Variants in MRTFB observed in about 807,000 individuals in gnomAD.
MRTFB encodes the protein myocardin related transcription factor B, also known as myocardin-related transcription factor B.
A neutral mutation model predicts 104.2 loss-of-function variants in MRTFB; 29 were observed. The ratio of observed to expected loss-of-function variants is 0.28; its 90% CI spans 0.21 to 0.38. The LOEUF (loss-of-function observed/expected upper bound fraction) is 0.38. Ranked by LOEUF, MRTFB falls within the 10% of genes least tolerant of loss-of-function variation. The pLI, the probability that MRTFB is intolerant of heterozygous loss-of-function variation, is 1.00. For missense variants in MRTFB, 1,270 were observed against 1,341.6 expected (o/e 0.95, Z 0.83); for synonymous variants, 535 against 519.5 (o/e 1.03, Z -0.41).
At chr16:14,212,791 C>A (rs952936687) in intron 5 of MRTFB, among the ~76,000 whole-genome samples, 1 of 152,180 alleles carries the variant, frequency 6.6e-6, no homozygotes, top group Non-Finnish European at 1.5e-5. Context: ...AGATGATTTC[C>A]CTACTGGGTC....
intron 2 of MRTFB, among the ~76,000 whole-genome samples, chr16:14,109,517 A>G (rs2036163199): frequency 6.6e-6 from 1 of 152,232 alleles, no homozygotes; most frequent in Non-Finnish European, 1.5e-5. Flanking sequence ...AGATACTGGT[A>G]CTTAATACGT....
chr16:14,200,477 T>G lies in MRTFB; in HGVS notation c.155-9766T>G, dbSNP rs750122071. 95 of 1,610,642 alleles carry G rather than the reference T, an allele frequency of 5.9e-5. No individual in the cohort carries two copies. The African/African-American group carries it at 1.1e-3, about 19-fold the overall frequency. ...ACATCCAGTAGCATCGTTTTTCCAC[T>G]TATTCTTTCGAGTCAGTGCAATCAT... On this transcript the variant is annotated intron_variant, in intron 3 of 16. Transcript: ENST00000571589.
chr16:14,220,834 T>C (rs1016982888), intron 8 of MRTFB, among the ~76,000 whole-genome samples: 6 of 152,326 alleles, frequency 3.9e-5, no homozygotes, highest in Non-Finnish European at 8.8e-5. Flanking sequence ...TAACAGTTCC[T>C]ATGTATACAT....
chr16:14,121,949 C>G (rs1188705951), intron 2 of MRTFB, among the ~76,000 whole-genome samples: 1 of 152,150 alleles, frequency 6.6e-6, no homozygotes, highest in Non-Finnish European at 1.5e-5. Flanking sequence ...GTATGGTACA[C>G]TCAGAGATAG....
intron 3 of MRTFB, among the ~76,000 whole-genome samples, chr16:14,149,788 T>A (rs2038519872): frequency 6.6e-6 from 1 of 152,188 alleles, no homozygotes; most frequent in African/African-American, 2.4e-5. Flanking sequence ...TTTCCCTGAC[T>A]GTATACAGAA....
intron 2 of MRTFB, among the ~76,000 whole-genome samples, chr16:14,082,858 C>T (rs1433192487): frequency 6.6e-6 from 1 of 151,956 alleles, no homozygotes; most frequent in African/African-American, 2.4e-5. Flanking sequence ...TTTGGTAGTT[C>T]CATACAAACT....
chr16:14,240,910 G>A (rs1191137733), intron 10 of MRTFB: 15 of 611,352 alleles, frequency 2.5e-5, no homozygotes, highest in South Asian at 2.0e-4. Flanking sequence ...TAGAAGGCTC[G>A]AGAAGGGCCT....
At chr16:14,097,642 G>A (rs1010702078) in intron 2 of MRTFB, among the ~76,000 whole-genome samples, 4 of 152,124 alleles carry the variant, frequency 2.6e-5, no homozygotes, top group East Asian at 1.9e-4. Context: ...GTTCTGACAC[G>A]TACACCCATG....
At chr16:14,017,079 C>T in the MRTFB span, among the ~76,000 whole-genome samples, 9 of 117,188 alleles carry the variant, frequency 7.7e-5, no homozygotes, top group Non-Finnish European at 8.4e-5. Context: ...TTTTTTGAGA[C>T]GGAGTCTCGC....
chr16:14,255,796 T>G (rs1312646711), intron 15 of MRTFB, among the ~76,000 whole-genome samples: 1 of 151,180 alleles, frequency 6.6e-6, no homozygotes, highest in Non-Finnish European at 1.5e-5. Context: ...ATTTAAAAGA[T>G]TCAAGATAGC....
chr16:14,042,238 G>C, the MRTFB span, among the ~76,000 whole-genome samples: 2 of 152,020 alleles, frequency 1.3e-5, no homozygotes, highest in African/African-American at 4.8e-5. Flanking sequence ...CAATTCTCCT[G>C]CCTCAGCCTC....
chr16:14,044,043 T>G, the MRTFB span, among the ~76,000 whole-genome samples: 1 of 152,200 alleles, frequency 6.6e-6, no homozygotes, highest in Non-Finnish European at 1.5e-5. Flanking sequence ...AAATGACTTC[T>G]GCCATTTAGG....
Position 14,247,168 on chromosome 16 carries a change from C to T in MRTFB, c.1908C>T (p.Ser636=). The T allele has an allele frequency of 6.2e-7, 1 of 1,614,178 alleles. No homozygotes were observed. Among genetic ancestry groups the T allele is most frequent in the Non-Finnish European group, 8.5e-7 (1 of 1,180,044 alleles). Residue 636 remains serine (S), a synonymous_variant, in exon 12 of 17, where the codon TCC becomes TCT. Transcript: ENST00000571589. ...KSDQKHGSLG[S]SIKDEASLPD... ...ATCAGAAGCACGGCAGCCTTGGCTC[C>T]TCCATCAAAGATGAGGCCTCACTCC...
At chr16:14,017,751 C>T in the MRTFB span, among the ~76,000 whole-genome samples, 1 of 109,240 alleles carries the variant, frequency 9.2e-6, no homozygotes, top group South Asian at 3.0e-4. Context: ...GGGTCTCTCT[C>T]TTTCTCCCGG....
the MRTFB span, among the ~76,000 whole-genome samples, chr16:14,057,092 G>A: frequency 1.3e-5 from 2 of 152,052 alleles, no homozygotes; most frequent in Non-Finnish European, 2.9e-5. Flanking sequence ...CTGACATCAC[G>A]GTCCTTCCTA....
chr16:14,132,069 T>C (rs1257448237), intron 2 of MRTFB, among the ~76,000 whole-genome samples: 3 of 152,150 alleles, frequency 2.0e-5, no homozygotes, highest in Non-Finnish European at 4.4e-5. Context: ...GGTGGTAAAT[T>C]CACGCAATGA....
At chr16:14,249,104 T>C (rs74514365) in intron 13 of MRTFB, 23 bp downstream of exon 13, 41,431 of 1,609,172 alleles carry the variant, frequency 0.026, 2,124 homozygotes, top group African/African-American at 0.22. Context: ...CAAGGAGCAA[T>C]AGAATGTCGC....
intron 3 of MRTFB, among the ~76,000 whole-genome samples, chr16:14,178,748 T>C (rs1367876117): frequency 1.3e-5 from 2 of 152,010 alleles, no homozygotes; most frequent in Non-Finnish European, 2.9e-5. Context: ...GAGGTTTTTT[T>C]TGTTTGTTTT....
chr16:14,078,137 C>A (rs1440445845), intron 1 of MRTFB, among the ~76,000 whole-genome samples: 1 of 151,954 alleles, frequency 6.6e-6, no homozygotes, highest in South Asian at 2.1e-4. Flanking sequence ...TGTTACTGTC[C>A]CCCACCCAGT....
Sources: gnomAD v4.1 joint callset for allele counts (sites outside exome capture counted in the v4.1 genomes callset) on GRCh38, gnomAD v4.1.1 for gene constraint, MANE v1.5 for transcripts, NCBI Gene and HGNC (gene_info 2026-07-23, HGNC 2026-07-21) for gene names.